HCN1: variants seen among roughly 807,000 people sequenced by gnomAD.
HCN1 encodes hyperpolarization activated cyclic nucleotide gated potassium channel 1.
HCN1 carries 13 observed loss-of-function variants against 78.9 expected under a neutral mutation model. That is an observed-to-expected ratio of 0.16 (90% CI 0.11 to 0.26). HCN1 has a LOEUF of 0.26. Among genes scored for constraint, HCN1 ranks in the 10% least tolerant of loss-of-function variants. The pLI is 1.00. For synonymous variants in HCN1, 552 were observed against 455.5 expected, an observed-to-expected ratio of 1.21 and a Z score of -2.70; for missense variants, 810 against 1,154.3, an observed-to-expected ratio of 0.70 and a Z score of 4.32.
At chr5:45,438,276 C>T (rs190994700) in intron 3 of HCN1, among the ~76,000 whole-genome samples, 196 of 152,128 alleles carry the variant, frequency 1.3e-3, no homozygotes, top group African/African-American at 4.4e-3. Flanking sequence ...AAGTAGAGTC[C>T]CATGTGTTGA....
chr5:45,269,590 A>G lies in HCN1; in HGVS notation c.1619-2337T>C, dbSNP rs184108319. Among the ~76,000 whole-genome samples, 392 of 152,278 alleles carry G rather than the reference A, an allele frequency of 2.6e-3. 3 individuals are homozygous for G. Among genetic ancestry groups the G allele is most frequent in the African/African-American group, 9.0e-3 (372 of 41,562 alleles). On this transcript the variant is annotated intron_variant, in intron 6 of 7. Coordinates refer to ENST00000303230, the MANE Select transcript of HCN1 (RefSeq NM_021072.4). The stretch of plus-strand genomic sequence containing the variant: ...GTAAATAGGCGGGGAGCTTGTCCTC[A>G]TATTTCTCTAAATACCAGAATGAGG...
chr5:45,410,516 C>CTACTCCCT (rs1377114729), intron 3 of HCN1, among the ~76,000 whole-genome samples: 2 of 152,020 alleles, frequency 1.3e-5, no homozygotes, highest in African/African-American at 4.8e-5. Context: ...TCAGTTAAAA[C>CTACTCCCT]TACTCCCTTA....
intron 3 of HCN1, among the ~76,000 whole-genome samples, chr5:45,460,327 C>A (rs1359223812): frequency 2.6e-5 from 4 of 152,106 alleles, no homozygotes; most frequent in Non-Finnish European, 2.9e-5. Flanking sequence ...GAGGACATAG[C>A]AGCATGGTGC....
At chr5:45,453,580 G>C (rs557696352) in intron 3 of HCN1, among the ~76,000 whole-genome samples, 1 of 152,196 alleles carries the variant, frequency 6.6e-6, no homozygotes, top group African/African-American at 2.4e-5. Flanking sequence ...GTTTATAAAA[G>C]ATGAAGTTGT....
At chr5:45,451,174 T>C (rs1740911216) in intron 3 of HCN1, among the ~76,000 whole-genome samples, 1 of 152,164 alleles carries the variant, frequency 6.6e-6, no homozygotes, top group South Asian at 2.1e-4. Flanking sequence ...TAAATATTTG[T>C]ATATAAACTG....
At chr5:45,590,739 G>C (rs1163150991) in intron 2 of HCN1, among the ~76,000 whole-genome samples, 2 of 152,160 alleles carry the variant, frequency 1.3e-5, no homozygotes, top group Non-Finnish European at 2.9e-5. Context: ...AAGGTATGTA[G>C]CCTTTTCAGA....
At chr5:45,664,481 A>T (rs1029374860) in intron 1 of HCN1, among the ~76,000 whole-genome samples, 1 of 150,316 alleles carries the variant, frequency 6.7e-6, no homozygotes, top group Non-Finnish European at 1.5e-5. Context: ...AGAAAAAAAA[A>T]AAAAGAAACT....
intron 5 of HCN1, among the ~76,000 whole-genome samples, chr5:45,311,007 C>G (rs1399596732): frequency 6.6e-6 from 1 of 151,998 alleles, no homozygotes; most frequent in African/African-American, 2.4e-5. Context: ...ATACTGGGGC[C>G]TATCGGAGGG....
chr5:45,622,851 T>C (rs1745095032), intron 2 of HCN1, among the ~76,000 whole-genome samples: 1 of 152,168 alleles, frequency 6.6e-6, no homozygotes, highest in African/African-American at 2.4e-5. Context: ...CTTTCGTAAG[T>C]AGTCGATAGA....
chr5:45,363,145 C>CAT (rs34074894), intron 4 of HCN1, among the ~76,000 whole-genome samples: 15,252 of 131,070 alleles, frequency 0.12, 868 homozygotes, highest in Non-Finnish European at 0.14. Context: ...TATATATATA[C>CAT]ATATATATAT....
chr5:45,262,366 G>GGCTGGGACTGCTGTACCTGCT lies in HCN1; in HGVS notation c.2207_2227dup (p.Gln736_Gln742dup). 1 of 1,612,332 alleles carries GGCTGGGACTGCTGTACCTGCT rather than the reference G, an allele frequency of 6.2e-7. No homozygotes were observed. The highest frequency in any genetic ancestry group is 1.7e-4 in the Middle Eastern group (1 of 6,056). ...CGGCTGCTGTGGCTGAGTCTGCGGC[G>GGCTGGGACTGCTGTACCTGCT]GCTGGGACTGCTGTACCTGCTGCTG... On this transcript the variant is annotated inframe_insertion, in exon 8 of 8. Coordinates refer to ENST00000303230, the MANE Select transcript of HCN1 (RefSeq NM_021072.4).
rs1346743657 is a variant in HCN1, at chr5:45,550,321, A to G, written c.850-88314T>C. On this transcript the variant is annotated intron_variant, in intron 2 of 7. Coordinates refer to ENST00000303230, the MANE Select transcript of HCN1 (RefSeq NM_021072.4). Reference sequence around the variant, plus strand: ...ACCATGGAATACTATGCAGCCATAAAAAATGATGAGTTCATGTCCTTTGTA... The same window carrying G: ...ACCATGGAATACTATGCAGCCATAAGAAATGATGAGTTCATGTCCTTTGTA... 3.3e-5 allele frequency among the ~76,000 whole-genome samples: 5 copies of G among 152,222 alleles called. No homozygotes were observed. In the East Asian group the frequency reaches 7.7e-4, roughly 23 times the overall value.
intron 2 of HCN1, among the ~76,000 whole-genome samples, chr5:45,602,320 C>T (rs928649666): frequency 6.6e-6 from 1 of 151,940 alleles, no homozygotes; most frequent in Non-Finnish European, 1.5e-5. Context: ...CCAATATGAC[C>T]AGTATACTTA....
chr5:45,264,583 T>C (rs1744816120), intron 7 of HCN1, among the ~76,000 whole-genome samples: 1 of 152,222 alleles, frequency 6.6e-6, no homozygotes, highest in South Asian at 2.1e-4. Context: ...ACTTACAGAC[T>C]GTCCTAATTT....
chr5:45,465,302 A>G (rs1195041435), intron 2 of HCN1, among the ~76,000 whole-genome samples: 1 of 152,130 alleles, frequency 6.6e-6, no homozygotes, highest in Non-Finnish European at 1.5e-5. Context: ...TCCATCTTCT[A>G]AGTAACCTGA....
At chr5:45,539,942 AT>A (rs2111824074) in intron 2 of HCN1, among the ~76,000 whole-genome samples, 1 of 144,298 alleles carries the variant, frequency 6.9e-6, no homozygotes, top group Admixed American at 6.9e-5. Context: ...ATATATATAT[AT>A]ATATATATAT....
At chr5:45,629,322 CATTGT>C (rs1745229107) in intron 2 of HCN1, among the ~76,000 whole-genome samples, 1 of 152,076 alleles carries the variant, frequency 6.6e-6, no homozygotes, top group Non-Finnish European at 1.5e-5. Context: ...ATTTGAACAA[CATTGT>C]TAATTGAGTA....
intron 3 of HCN1, among the ~76,000 whole-genome samples, chr5:45,409,738 T>C (rs967004923): frequency 6.6e-6 from 1 of 151,958 alleles, no homozygotes; most frequent in African/African-American, 2.4e-5. Flanking sequence ...CTTTTATCCA[T>C]CAATTCATAG....
chr5:45,434,569 T>A (rs1380991807), intron 3 of HCN1, among the ~76,000 whole-genome samples: 1 of 152,122 alleles, frequency 6.6e-6, no homozygotes, highest in African/African-American at 2.4e-5. Context: ...TAAATGAGAG[T>A]TAAAATCATC....
Sources: allele counts gnomAD v4.1 joint callset (sites outside exome capture counted in the v4.1 genomes callset), GRCh38; gene constraint gnomAD v4.1.1; transcripts MANE v1.5; gene names NCBI Gene and HGNC (gene_info 2026-07-23, HGNC 2026-07-21).